Variants in BTN2A1 observed in about 807,000 individuals in gnomAD.
BTN2A1 encodes the protein butyrophilin subfamily 2 member A1.
BTN2A1 carries 41 observed loss-of-function variants against 34.5 expected under a neutral mutation model. That is an observed-to-expected ratio of 1.19 (90% CI 0.93 to 1.54). BTN2A1 has a LOEUF of 1.54. Ranked by LOEUF, BTN2A1 falls within the 40% of genes most tolerant of loss-of-function variation. The pLI is 0.00. For missense variants in BTN2A1, 642 were observed against 662.0 expected, an observed-to-expected ratio of 0.97 and a Z score of 0.33; for synonymous variants, 267 against 258.6, an observed-to-expected ratio of 1.03 and a Z score of -0.31.
At chr6:26,476,056 A>G in intron 7 of BTN2A1, 1 of 1,326,284 alleles carries the variant, frequency 7.5e-7, no homozygotes, top group East Asian at 2.5e-5. Flanking sequence ...AGTGATTTCA[A>G]ACTGTGCTCA....
chr6:26,459,823 T>C lies in BTN2A1; in HGVS notation c.425T>C (p.Val142Ala), dbSNP rs376903840. ...GATGAGGCCATCCTGCACCTCGTAGTGGCAGGTGCGTCGCTTCATTTTGCT... is the reference window on the plus strand; with the variant it reads ...GATGAGGCCATCCTGCACCTCGTAGCGGCAGGTGCGTCGCTTCATTTTGCT... Reference protein sequence around the residue: ...SYDEAILHLVVAGLGSKPLIS... With the variant: ...SYDEAILHLVAAGLGSKPLIS... The change falls in exon 3 of 8, where the codon GTG becomes GCG. Residue 142 changes from valine to alanine, a missense_variant. Coordinates refer to ENST00000312541, the MANE Select transcript of BTN2A1 (RefSeq NM_007049.5). 11 of 1,611,482 alleles carry C rather than the reference T, an allele frequency of 6.8e-6. No individual in the cohort carries two copies. In the African/African-American group the frequency reaches 1.1e-4, roughly 16 times the overall value.
In BTN2A1 at chr6:26,468,704, C is replaced by T. The variant is rs1262204884; in HGVS notation, c.*155C>T. ...CTTTCACACCCACTACAGACCTCAG[C>T]CCCAGTTTTCTCCTCCTCACTAGGC... is the stretch of plus-strand genomic sequence containing the variant. On this transcript the variant is annotated 3_prime_UTR_variant, in exon 8 of 8. Coordinates refer to ENST00000312541, the MANE Select transcript of BTN2A1 (RefSeq NM_007049.5). 1 of 1,613,020 alleles carries T rather than the reference C, an allele frequency of 6.2e-7. No homozygotes were observed. The highest frequency in any genetic ancestry group is 1.3e-5 in the African/African-American group (1 of 74,912).
At chr6:26,461,139 T>C (rs184928169) in intron 3 of BTN2A1, among the ~76,000 whole-genome samples, 108 of 152,026 alleles carry the variant, frequency 7.1e-4, no homozygotes, top group African/African-American at 2.4e-3. Context: ...GGAAGGAGGG[T>C]TTCTTGACCC....
chr6:26,472,131 G>C (rs1279422646), downstream of BTN2A1, among the ~76,000 whole-genome samples: 1 of 152,030 alleles, frequency 6.6e-6, no homozygotes, highest in East Asian at 1.9e-4. Context: ...CTTAGCATGT[G>C]GCTTGCATCT....
At chr6:26,467,922 G>A (rs774404968) in intron 7 of BTN2A1, 26 bp from the exon 8 acceptor site, 2 of 1,602,760 alleles carry the variant, frequency 1.2e-6, no homozygotes, top group Non-Finnish European at 1.7e-6. Context: ...GAGACCCCAG[G>A]CCTAAACCTG....
chr6:26,476,367 A>T (rs1359639813), exon 8 of BTN2A1: 21 of 750,710 alleles, frequency 2.8e-5, no homozygotes, highest in Non-Finnish European at 4.9e-5. Flanking sequence ...TGCTCCAGAA[A>T]GGTCGAAGAT....
intron 4 of BTN2A1, among the ~76,000 whole-genome samples, chr6:26,464,401 G>C (rs912461249): frequency 6.6e-6 from 1 of 152,174 alleles, no homozygotes; most frequent in African/African-American, 2.4e-5. Context: ...CTATCAGATG[G>C]TAATGAACAT....
At chr6:26,466,202 CG>C in intron 7 of BTN2A1, 114 bp downstream of exon 7, 1 of 1,514,806 alleles carries the variant, frequency 6.6e-7, no homozygotes, top group Non-Finnish European at 9.2e-7. Context: ...CAGCAGGGAA[CG>C]GGGGTCAGTT....
chr6:26,465,397 C>T lies in BTN2A1; in HGVS notation c.925C>T (p.Gln309Ter). The change falls in exon 5 of 8, where the codon CAA becomes TAA. Residue 309 changes from glutamine (Q) to a stop codon, truncating the protein, a stop_gained. Transcript: ENST00000312541. LOFTEE classifies it high-confidence loss of function. The part of the protein sequence containing the change: ...KERVQKEEEL[Q>*]VKEKLQEELR... Reference sequence around the variant, plus strand: ...ACGTGTGCAAAAAGAGGAAGAACTTCAAGTAAAAGGTAAAAGAGGCTGAGT... The same window carrying T: ...ACGTGTGCAAAAAGAGGAAGAACTTTAAGTAAAAGGTAAAAGAGGCTGAGT... 6.2e-7 allele frequency: 1 copy of T among 1,613,716 alleles called. No homozygotes were observed. Among genetic ancestry groups the T allele is most frequent in the Non-Finnish European group, 8.5e-7 (1 of 1,179,906 alleles).
intron 7 of BTN2A1, among the ~76,000 whole-genome samples, chr6:26,466,982 A>C (rs959410278): frequency 1.3e-5 from 2 of 152,214 alleles, no homozygotes; most frequent in African/African-American, 4.8e-5. Context: ...ATGTTGTTGA[A>C]GCAAAACTGG....
At chr6:26,459,435 T>C (rs756558673) in intron 2 of BTN2A1, 46 bp from the exon 3 acceptor site, 1 of 1,582,762 alleles carries the variant, frequency 6.3e-7, no homozygotes, top group Non-Finnish European at 8.7e-7. Flanking sequence ...GCCTTAGAGA[T>C]GTGATGGCTG....
exon 8 of BTN2A1, chr6:26,476,421 C>T: frequency 1.5e-6 from 1 of 689,328 alleles, no homozygotes; most frequent in African/African-American, 1.8e-5. Flanking sequence ...TCTGCTCACC[C>T]TCATTCTTCT....
chr6:26,460,799 T>G (rs745516862), intron 3 of BTN2A1, among the ~76,000 whole-genome samples: 2 of 151,948 alleles, frequency 1.3e-5, no homozygotes, highest in Admixed American at 6.6e-5. Context: ...AATCTGAGCT[T>G]CTTGGGAGGC....
In BTN2A1 at chr6:26,468,030, C is replaced by T. The variant is rs767714942; in HGVS notation, c.1065C>T (p.Phe355=). 4 of 1,614,232 alleles carry T rather than the reference C, an allele frequency of 2.5e-6. No individual in the cohort carries two copies. In the East Asian group the frequency reaches 6.7e-5, roughly 27 times the overall value. Residue 355 remains phenylalanine, a synonymous_variant, in exon 8 of 8, where the codon TTC becomes TTT. Transcript: ENST00000312541. ...EDRRSVRRCP[F]RHLGESVPDN... Reference sequence around the variant, plus strand: ...GGAGAAGTGTGAGAAGGTGCCCCTTCAGGCACCTAGGGGAGAGCGTGCCTG... The same window carrying T: ...GGAGAAGTGTGAGAAGGTGCCCCTTTAGGCACCTAGGGGAGAGCGTGCCTG...
At chr6:26,471,557 G>T (rs534260115), downstream of BTN2A1, among the ~76,000 whole-genome samples, 2 of 152,292 alleles carry the variant, frequency 1.3e-5, no homozygotes, top group South Asian at 2.1e-4. Flanking sequence ...GTAAAACCCT[G>T]TCTGTACTAA....
rs1358296950 is a variant in BTN2A1 at position 26,458,608 on chromosome 6, C to G, written c.-29C>G. On this transcript the variant is annotated splice_region_variant and 5_prime_UTR_variant, in exon 2 of 8. Coordinates refer to ENST00000312541, the MANE Select transcript of BTN2A1 (RefSeq NM_007049.5). ...GCTGATTCTCCTCTGTAACCCTAGG[C>G]CTCCTGTCCCTGCCTGCTCTGGGTG... The G allele has an allele frequency of 6.2e-7, 1 of 1,613,068 alleles. No individual in the cohort carries two copies. The highest frequency in any genetic ancestry group is 1.1e-5 in the South Asian group (1 of 91,060).
At chr6:26,465,077 AAGC>A (rs1367582164) in intron 4 of BTN2A1, 105 bp from the exon 5 acceptor site, 13 of 904,436 alleles carry the variant, frequency 1.4e-5, no homozygotes, top group Non-Finnish European at 1.9e-5. Flanking sequence ...CTGAGGGAGA[AAGC>A]AGGAGAGCAG....
rs749156150 is a variant in BTN2A1 at position 26,459,480 on chromosome 6, G to A, written c.83-1G>A. 5 of 1,613,314 alleles carry A rather than the reference G, an allele frequency of 3.1e-6. No individual in the cohort carries two copies. The highest frequency in any genetic ancestry group is 1.7e-5 in the Admixed American group (1 of 59,986). ...TCTGACTCTACCCCTTTGTTGAACA[G>A]CCCAGTTTATTGTCGTGGGGCCCAC... On this transcript the variant is annotated splice_acceptor_variant, in intron 2 of 7. Transcript: ENST00000312541. LOFTEE classifies it high-confidence loss of function.
chr6:26,475,517 A>G (rs1372675791), intron 7 of BTN2A1, among the ~76,000 whole-genome samples: 4 of 152,226 alleles, frequency 2.6e-5, no homozygotes, highest in Non-Finnish European at 5.9e-5. Context: ...ATTTTTTCCT[A>G]CAAGGACTCA....
Sources: gnomAD v4.1 joint callset for allele counts (sites outside exome capture counted in the v4.1 genomes callset) on GRCh38, gnomAD v4.1.1 for gene constraint, MANE v1.5 for transcripts, NCBI Gene and HGNC (gene_info 2026-07-23, HGNC 2026-07-21) for gene names.